AFAP1L1: variants seen among roughly 807,000 people sequenced by gnomAD.
AFAP1L1 encodes actin filament associated protein 1 like 1.
AFAP1L1 carries 77 observed loss-of-function variants against 99.8 expected under a neutral mutation model. The observed-to-expected ratio is 0.77, with a 90% CI of 0.64 to 0.93. AFAP1L1 has a LOEUF of 0.93. AFAP1L1 is among the 40% of genes least tolerant of loss of function. The pLI, the probability that AFAP1L1 is intolerant of heterozygous loss-of-function variation, is 0.00. For missense variants in AFAP1L1, 893 were observed against 996.8 expected (o/e 0.90, Z 1.40); for synonymous variants, 373 against 395.3 (o/e 0.94, Z 0.67).
At chr5:149,291,078 A>G (rs75068511) in intron 1 of AFAP1L1, among the ~76,000 whole-genome samples, 2,610 of 152,308 alleles carry the variant, frequency 0.017, 72 homozygotes, top group African/African-American at 0.059. Context: ...GAAGAGAACA[A>G]GGAAGGTATC....
rs375382983 is a variant in AFAP1L1, at chr5:149,310,154, A to G, written c.927+19A>G. The stretch of plus-strand genomic sequence containing the variant: ...GCTGAAGGTGCGTGGCCTGCACCTG[A>G]CCTTCCCGCCTTCTCACCCTTTCTC... On this transcript the variant is annotated intron_variant, in intron 8 of 18. Transcript: ENST00000296721. 39 of 1,564,568 alleles carry G rather than the reference A, an allele frequency of 2.5e-5. No individual in the cohort carries two copies. In the African/African-American group the frequency reaches 4.9e-4, roughly 20 times the overall value.
chr5:149,316,145 C>T lies in AFAP1L1; in HGVS notation c.1115-6C>T, dbSNP rs1325260453. ...CCTCCACTCCCCTGACCCATTTCCC[C>T]AACAGGCAAAGGGAAGAAGAGCAGC... On this transcript the variant is annotated splice_polypyrimidine_tract_variant and splice_region_variant and intron_variant, in intron 10 of 18. Transcript: ENST00000296721. The T allele has an allele frequency of 1.2e-6, 2 of 1,611,682 alleles. No homozygotes were observed. Among genetic ancestry groups the T allele is most frequent in the African/African-American group, 1.3e-5 (1 of 74,904 alleles).
intron 1 of AFAP1L1, among the ~76,000 whole-genome samples, chr5:149,274,856 G>T (rs747848651): frequency 6.7e-5 from 10 of 149,608 alleles, no homozygotes; most frequent in Non-Finnish European, 1.5e-4. Context: ...TTGCACTCCA[G>T]CCTGGGCGAC....
rs73795982 is a variant in AFAP1L1, at chr5:149,340,389, A to G, written c.*359A>G. ...TAACCCCTTCCATCCCATTCACAGC[A>G]TCGCACTCCCAGTCCTTAAGGCAAA... is the stretch of plus-strand genomic sequence containing the variant. On this transcript the variant is annotated 3_prime_UTR_variant, in exon 19 of 19. Transcript: ENST00000296721. 0.013 allele frequency: 2,865 copies of G among 212,878 alleles called. 41 individuals are homozygous for G. Among genetic ancestry groups the G allele is most frequent in the African/African-American group, 0.038 (1,722 of 44,852 alleles). The allele number at this position is 212,878 out of a possible 1,614,324, so 13.2% of individuals were successfully genotyped here.
chr5:149,308,781 A>C (rs561907576), intron 7 of AFAP1L1, among the ~76,000 whole-genome samples: 1 of 152,250 alleles, frequency 6.6e-6, no homozygotes, highest in Non-Finnish European at 1.5e-5. Flanking sequence ...TCCTTGTCTC[A>C]GTCTAGAGCT....
At chr5:149,336,679 C>T (rs1469620394) in intron 18 of AFAP1L1, among the ~76,000 whole-genome samples, 6 of 152,174 alleles carry the variant, frequency 3.9e-5, no homozygotes, top group Non-Finnish European at 8.8e-5. Context: ...TTTATAAAGC[C>T]ACCAGTTCCA....
chr5:149,328,472 T>C (rs1472309737), intron 15 of AFAP1L1, among the ~76,000 whole-genome samples: 1 of 152,184 alleles, frequency 6.6e-6, no homozygotes, highest in African/African-American at 2.4e-5. Flanking sequence ...ACCTAACCTC[T>C]GTGTGCCTCA....
In AFAP1L1 at chr5:149,342,048, G is replaced by A. The variant is rs1757573457; in HGVS notation, c.*2018G>A. Among the ~76,000 whole-genome samples the A allele has an allele frequency of 6.6e-6, 1 of 152,138 alleles. No homozygotes were observed. The highest frequency in any genetic ancestry group is 1.5e-5 in the Non-Finnish European group (1 of 68,034). On this transcript the variant is annotated 3_prime_UTR_variant, in exon 19 of 19. Transcript: ENST00000296721. ...TTATCAAGCACTCACCATATGTCAG[G>A]CACTGTGTCAGCCATGGCCAGCTTC...
intron 1 of AFAP1L1, among the ~76,000 whole-genome samples, chr5:149,284,446 G>C (rs906715860): frequency 2.0e-5 from 3 of 152,200 alleles, no homozygotes; most frequent in African/African-American, 7.2e-5. Context: ...GATTCATATA[G>C]TGAAAGCACT....
intron 11 of AFAP1L1, among the ~76,000 whole-genome samples, chr5:149,317,105 C>T (rs1432841167): frequency 3.3e-5 from 5 of 152,282 alleles, no homozygotes; most frequent in East Asian, 3.9e-4. Context: ...GTTGAGGCTG[C>T]AGTGAGCCGT....
chr5:149,321,026 G>A (rs1452048880), intron 14 of AFAP1L1, among the ~76,000 whole-genome samples: 4 of 152,236 alleles, frequency 2.6e-5, no homozygotes, highest in Non-Finnish European at 5.9e-5. Context: ...AGCAAGAGGA[G>A]AGCCACATTC....
chr5:149,301,294 C>A, intron 4 of AFAP1L1, 64 bp downstream of exon 4: 1 of 1,502,668 alleles, frequency 6.7e-7, no homozygotes, highest in Non-Finnish European at 9.2e-7. Flanking sequence ...GCAAGGGAAG[C>A]TCTCCCCTTC....
intron 4 of AFAP1L1, among the ~76,000 whole-genome samples, chr5:149,302,208 C>T (rs1756244509): frequency 8.4e-6 from 1 of 118,588 alleles, no homozygotes; most frequent in Non-Finnish European, 1.8e-5. Flanking sequence ...TGCAGACATT[C>T]CAGGGGAACC....
At chr5:149,278,550 G>A (rs1356242728) in intron 1 of AFAP1L1, among the ~76,000 whole-genome samples, 1 of 152,180 alleles carries the variant, frequency 6.6e-6, no homozygotes, top group Non-Finnish European at 1.5e-5. Flanking sequence ...CCTCCAGGAA[G>A]CCTTTTCTGC....
chr5:149,276,191 ACTATTCAGATATTTCACAG>A (rs1415081123), intron 1 of AFAP1L1, among the ~76,000 whole-genome samples: 2 of 152,220 alleles, frequency 1.3e-5, no homozygotes, highest in African/African-American at 4.8e-5. Flanking sequence ...CTTAAGCTGC[ACTATTCAGATATTTCACAG>A]CAATTGCTGT....
At chr5:149,281,436 G>T (rs1755517105) in intron 1 of AFAP1L1, among the ~76,000 whole-genome samples, 1 of 152,072 alleles carries the variant, frequency 6.6e-6, no homozygotes, top group South Asian at 2.1e-4. Context: ...CCTGACTTTG[G>T]GTTACCACCA....
At chr5:149,278,806 C>G (rs1033790172) in intron 1 of AFAP1L1, among the ~76,000 whole-genome samples, 3 of 152,230 alleles carry the variant, frequency 2.0e-5, no homozygotes, top group Non-Finnish European at 4.4e-5. Context: ...TGCTCTGTCT[C>G]TATCTTCTTG....
chr5:149,310,724 T>TA (rs1349473347), intron 8 of AFAP1L1, among the ~76,000 whole-genome samples: 2 of 152,174 alleles, frequency 1.3e-5, no homozygotes, highest in Non-Finnish European at 2.9e-5. Context: ...TTTGAGAACT[T>TA]ATGTGACTTG....
At chr5:149,272,455 C>T (rs1179795264) in intron 1 of AFAP1L1, among the ~76,000 whole-genome samples, 1 of 151,996 alleles carries the variant, frequency 6.6e-6, no homozygotes, top group African/African-American at 2.4e-5. Flanking sequence ...CGCGCGTGTG[C>T]ATGCATGTGT....
Sources: gnomAD v4.1 joint callset for allele counts (sites outside exome capture counted in the v4.1 genomes callset) on GRCh38, gnomAD v4.1.1 for gene constraint, MANE v1.5 for transcripts, NCBI Gene and HGNC (gene_info 2026-07-23, HGNC 2026-07-21) for gene names.